JAKMIP3: variants seen among roughly 807,000 people sequenced by gnomAD.
JAKMIP3 encodes the protein Janus kinase and microtubule interacting protein 3.
JAKMIP3 carries 58 observed loss-of-function variants against 118.5 expected under a neutral mutation model. That is an observed-to-expected ratio of 0.49 (90% CI 0.40 to 0.61). The LOEUF (loss-of-function observed/expected upper bound fraction) is 0.61. Among genes scored for constraint, JAKMIP3 ranks in the 20% least tolerant of loss-of-function variants. JAKMIP3 has a pLI of 0.00. For missense variants in JAKMIP3, 950 were observed against 1,109.0 expected (o/e 0.86, Z 2.04); for synonymous variants, 486 against 451.2 (o/e 1.08, Z -0.98).
chr10:132,175,477 A>G lies in JAKMIP3; in HGVS notation c.*1103+6444A>G, dbSNP rs549737407. On this transcript the variant is annotated intron_variant, in intron 23 of 23. Transcript: ENST00000684848. ...GCCACCACAAGATGGGAAAGCAGGGATGCTGGTGGGGTCCCTTGAGCCGGC... is the reference window on the plus strand; with the variant it reads ...GCCACCACAAGATGGGAAAGCAGGGGTGCTGGTGGGGTCCCTTGAGCCGGC... Among the ~76,000 whole-genome samples, 4 of 152,142 alleles carry G rather than the reference A, an allele frequency of 2.6e-5. No homozygotes were observed. The South Asian group carries it at 6.2e-4, about 24-fold the overall frequency.
intron 1 of JAKMIP3, among the ~76,000 whole-genome samples, chr10:132,090,170 C>T (rs1304265538): frequency 6.6e-6 from 1 of 152,112 alleles, no homozygotes; most frequent in Non-Finnish European, 1.5e-5. Context: ...CTAAAATTCT[C>T]TTTTTTGGTT....
intron 14 of JAKMIP3, 90 bp from the exon 15 acceptor site, chr10:132,149,322 C>T: frequency 1.2e-6 from 1 of 829,186 alleles, no homozygotes; most frequent in Admixed American, 2.5e-5. Context: ...GTTCCATGGT[C>T]TTGGCCCGTG....
At chr10:132,181,806 G>A (rs10870269) in intron 23 of JAKMIP3, among the ~76,000 whole-genome samples, 3 of 144,126 alleles carry the variant, frequency 2.1e-5, no homozygotes, top group African/African-American at 8.3e-5. Context: ...CTGTCCCAGC[G>A]TGCCCTCACT....
At chr10:132,114,912 T>C (rs1474079297) in intron 2 of JAKMIP3, among the ~76,000 whole-genome samples, 1 of 152,208 alleles carries the variant, frequency 6.6e-6, no homozygotes, top group Non-Finnish European at 1.5e-5. Context: ...TGATGATATA[T>C]AGAAATCCAG....
chr10:132,129,636 C>A (rs2050205141), intron 3 of JAKMIP3, among the ~76,000 whole-genome samples: 1 of 152,122 alleles, frequency 6.6e-6, no homozygotes, highest in African/African-American at 2.4e-5. Context: ...GGAGGCGGGG[C>A]CCCGTGATGA....
At chr10:132,084,151 T>C (rs2042108080) in intron 1 of JAKMIP3, among the ~76,000 whole-genome samples, 1 of 152,214 alleles carries the variant, frequency 6.6e-6, no homozygotes. Context: ...ACAATATTGA[T>C]TCTACCCATC....
chr10:132,124,110 C>T (rs545896459), intron 3 of JAKMIP3, among the ~76,000 whole-genome samples: 173 of 152,344 alleles, frequency 1.1e-3, no homozygotes, highest in African/African-American at 3.8e-3. Flanking sequence ...GGCTCAAATC[C>T]GGAAGAAATG....
At chr10:132,042,117 C>T (rs556950601) in intron 1 of JAKMIP3, among the ~76,000 whole-genome samples, 1 of 152,204 alleles carries the variant, frequency 6.6e-6, no homozygotes, top group South Asian at 2.1e-4. Context: ...CTGCCAGCCT[C>T]AGCTTCCCAA....
rs973527879 is a variant in JAKMIP3 at position 132,167,836 on chromosome 10, G to C, written c.*23-117G>C. 1.3e-3 allele frequency: 687 copies of C among 534,872 alleles called. 1 individual carries two copies. The highest frequency in any genetic ancestry group is 1.5e-3 in the Non-Finnish European group (518 of 347,142). The allele number at this position is 534,872 out of a possible 1,614,324, so 33.1% of individuals were successfully genotyped here. On this transcript the variant is annotated intron_variant, in intron 22 of 23. Transcript: ENST00000684848. ...CTCACCCCTCGGCCCTCACCCCTCG[G>C]CCCTCGCCCCTCGCCCCTCACCCCT...
chr10:132,091,652 A>C (rs2043105232), intron 1 of JAKMIP3, among the ~76,000 whole-genome samples: 1 of 151,624 alleles, frequency 6.6e-6, no homozygotes, highest in African/African-American at 2.4e-5. Context: ...CTTTATTTTG[A>C]GCCTATGTGT....
At chr10:132,098,184 C>T (rs2044294268) in intron 1 of JAKMIP3, among the ~76,000 whole-genome samples, 1 of 151,596 alleles carries the variant, frequency 6.6e-6, no homozygotes, top group African/African-American at 2.4e-5. Context: ...CACAGGTGCC[C>T]ACCTGGTTAA....
At chr10:132,101,866 G>T (rs1237788967) in intron 1 of JAKMIP3, among the ~76,000 whole-genome samples, 1 of 152,152 alleles carries the variant, frequency 6.6e-6, no homozygotes, top group Non-Finnish European at 1.5e-5. Flanking sequence ...GAGGGCACAG[G>T]ACAGGACCTG....
rs1483009900 is a variant in JAKMIP3, at chr10:132,184,827, C to A, written c.*3574C>A. The A allele has an allele frequency of 6.6e-6, 1 of 152,236 alleles. No homozygotes were observed. Among genetic ancestry groups the A allele is most frequent in the Non-Finnish European group, 1.5e-5 (1 of 68,056 alleles). The allele number at this position is 152,236 out of a possible 1,614,324, so 9.4% of individuals were successfully genotyped here. On this transcript the variant is annotated 3_prime_UTR_variant, in exon 24 of 24. Transcript: ENST00000684848. ...AAATCTTAGACGATTAAAGTCCCCT[C>A]AAAGGTATTAAAGTTTGAACTGAAA... is the stretch of plus-strand genomic sequence containing the variant.
At chr10:132,041,520 C>T (rs374779361) in intron 1 of JAKMIP3, among the ~76,000 whole-genome samples, 1 of 152,244 alleles carries the variant, frequency 6.6e-6, no homozygotes, top group Non-Finnish European at 1.5e-5. Flanking sequence ...TGCCGCGTGT[C>T]CCCACGCCCT....
intron 3 of JAKMIP3, among the ~76,000 whole-genome samples, chr10:132,129,077 A>G (rs549147420): frequency 9.1e-4 from 138 of 152,228 alleles, no homozygotes; most frequent in African/African-American, 3.1e-3. Context: ...GAGGCTGCGC[A>G]TTATGTTATT....
intron 3 of JAKMIP3, among the ~76,000 whole-genome samples, chr10:132,129,468 T>C (rs1341648101): frequency 6.6e-6 from 1 of 152,202 alleles, no homozygotes; most frequent in Non-Finnish European, 1.5e-5. Context: ...TTGGCATTCC[T>C]TTTCTGCCAT....
chr10:132,062,714 A>G (rs2038438091), upstream of JAKMIP3, among the ~76,000 whole-genome samples: 1 of 152,216 alleles, frequency 6.6e-6, no homozygotes. Context: ...GCATGGGAAT[A>G]AAAAAACAGG....
At position 132,070,877 on chromosome 10, in the gene JAKMIP3, C is replaced by T. The variant is rs113990421; in HGVS notation, c.-138+4816C>T. Among the ~76,000 whole-genome samples, 1,078 of 152,298 alleles carry T rather than the reference C, an allele frequency of 7.1e-3. 15 individuals are homozygous for T. Among genetic ancestry groups the T allele is most frequent in the African/African-American group, 0.024 (995 of 41,562 alleles). ...TCAGACACAAGCGCTGGGCTTGCAG[C>T]TCCCATCCATGCAGAAGGATCTCTA... On this transcript the variant is annotated intron_variant, in intron 1 of 23. Coordinates refer to ENST00000684848, the MANE Select transcript of JAKMIP3 (RefSeq NM_001323087.2).
intron 1 of JAKMIP3, among the ~76,000 whole-genome samples, chr10:132,047,360 A>G (rs1358806269): frequency 1.3e-5 from 2 of 152,234 alleles, no homozygotes; most frequent in African/African-American, 2.4e-5. Context: ...TACCGTGGCA[A>G]TAGCAGTTTC....
Sources: allele counts gnomAD v4.1 joint callset (sites outside exome capture counted in the v4.1 genomes callset), GRCh38; gene constraint gnomAD v4.1.1; transcripts MANE v1.5; gene names NCBI Gene and HGNC (gene_info 2026-07-23, HGNC 2026-07-21).